The following ACP6 variants were observed in gnomAD, a reference collection of about 807,000 sequenced individuals.
ACP6 encodes the protein acid phosphatase 6, lysophosphatidic.
In ACP6, 48 loss-of-function variants were observed where a neutral mutation model predicts 48.1. The observed-to-expected ratio is 1.00, with a 90% CI of 0.79 to 1.27. The LOEUF (loss-of-function observed/expected upper bound fraction) is 1.27, where lower values mean the gene tolerates loss of function less well. ACP6 is among the 50% of genes most tolerant of loss of function. ACP6 has a pLI of 0.00. For synonymous variants in ACP6, 172 were observed against 204.2 expected (o/e 0.84, Z 1.34); for missense variants, 485 against 529.1 (o/e 0.92, Z 0.82).
chr1:147,649,264 C>T lies in ACP6; in HGVS notation c.978-853G>A, dbSNP rs144300902. Among the ~76,000 whole-genome samples the T allele has an allele frequency of 5.4e-3, 821 of 152,286 alleles. 14 individuals are homozygous for T. The highest frequency in any genetic ancestry group is 7.1e-3 in the Non-Finnish European group (480 of 68,022). ...ATCACCTGGGGATCTTGTTAAACTG[C>T]AGATGCTGATTTAGTAGATCAGGCT... is the stretch of plus-strand genomic sequence containing the variant. On this transcript the variant is annotated intron_variant, in intron 8 of 9. Coordinates refer to ENST00000583509, the MANE Select transcript of ACP6 (RefSeq NM_016361.5).
At chr1:147,647,664 T>C in intron 9 of ACP6, 98 bp from the exon 10 acceptor site, 1 of 1,454,794 alleles carries the variant, frequency 6.9e-7, no homozygotes, top group Non-Finnish European at 9.1e-7. Context: ...ATCCATGTGG[T>C]ATACATGTGC....
chr1:147,637,052 C>T (rs1553208097), intron 5 of ACP6, among the ~76,000 whole-genome samples: 1 of 152,216 alleles, frequency 6.6e-6, no homozygotes, highest in Non-Finnish European at 1.5e-5. Context: ...AATAAGGTTA[C>T]ACTGGGGTCA....
chr1:147,670,179 C>T lies in ACP6; in HGVS notation c.-131G>A. On this transcript the variant is annotated 5_prime_UTR_variant, in exon 1 of 10. Coordinates refer to ENST00000583509, the MANE Select transcript of ACP6 (RefSeq NM_016361.5). ...CGGATGCGTACATCCAGCCCTTCAG[C>T]AAGCAGGGACCGCTGTGCCTCCCGG... The T allele has an allele frequency of 1.2e-6, 1 of 811,516 alleles. No homozygotes were observed. The highest frequency in any genetic ancestry group is 1.9e-6 in the Non-Finnish European group (1 of 535,188). 50.3% of individuals were successfully genotyped at this position (811,516 alleles called of 1,614,324 possible). A position where few individuals can be genotyped will look rare whatever the true frequency, so the allele number is the denominator to read the frequency against.
At chr1:147,654,433 C>A in intron 5 of ACP6, 107 bp from the exon 6 acceptor site, 1 of 1,284,554 alleles carries the variant, frequency 7.8e-7, no homozygotes. Context: ...ATCCCCACAA[C>A]CCAATGGGGT....
chr1:147,652,704 T>C, intron 6 of ACP6, 155 bp from the exon 7 acceptor site: 1 of 1,526,604 alleles, frequency 6.6e-7, no homozygotes, highest in Admixed American at 1.7e-5. Context: ...GTCAAGAAGC[T>C]ATGTCTCTAA....
At chr1:147,652,831 T>A (rs903698564) in intron 6 of ACP6, among the ~76,000 whole-genome samples, 1 of 178 alleles carries the variant, frequency 5.6e-3, no homozygotes, top group South Asian at 0.062. Flanking sequence ...TTTTGTTGTT[T>A]TTTTGGTTTT....
At chr1:147,665,489 C>T (rs1660750557) in intron 1 of ACP6, among the ~76,000 whole-genome samples, 1 of 152,168 alleles carries the variant, frequency 6.6e-6, no homozygotes, top group East Asian at 1.9e-4. Flanking sequence ...AAAACTAAGA[C>T]CAAGACAGAA....
intron 6 of ACP6, 78 bp from the exon 7 acceptor site, chr1:147,652,627 C>A (rs781956028): frequency 4.0e-5 from 65 of 1,608,932 alleles, no homozygotes; most frequent in Middle Eastern, 3.3e-4. Flanking sequence ...TTCCATGGAA[C>A]CTGCAGGAGC....
rs1474091316 is a variant in ACP6, at chr1:147,646,048, T to G, written c.*1375A>C. ...GGTTGGGTGTTGGGGGATGTGGAAG[T>G]TTTCTTCTGATCTCTTTTAGATTCT... On this transcript the variant is annotated 3_prime_UTR_variant, in exon 10 of 10. Coordinates refer to ENST00000583509, the MANE Select transcript of ACP6 (RefSeq NM_016361.5). The G allele has an allele frequency of 1.3e-5, 2 of 152,094 alleles. No individual in the cohort carries two copies. The highest frequency in any genetic ancestry group is 4.8e-5 in the African/African-American group (2 of 41,404). The allele number at this position is 152,094 out of a possible 1,614,324, so 9.4% of individuals were successfully genotyped here.
chr1:147,632,169 C>T (rs1659184284), intron 5 of ACP6, among the ~76,000 whole-genome samples: 1 of 149,328 alleles, frequency 6.7e-6, no homozygotes, highest in African/African-American at 2.5e-5. Context: ...TCTCTGAGTA[C>T]CCTGTCAAAT....
In ACP6 at chr1:147,646,351, G is replaced by C. The variant is rs587603057; in HGVS notation, c.*1072C>G. ...GTTTGATTCTAACATGGAAAGTTTTGTGCCAGTGAAATCCAAGTGGATAAA... is the reference window on the plus strand; with the variant it reads ...GTTTGATTCTAACATGGAAAGTTTTCTGCCAGTGAAATCCAAGTGGATAAA... On this transcript the variant is annotated 3_prime_UTR_variant, in exon 10 of 10. Transcript: ENST00000583509. 1 of 152,246 alleles carries C rather than the reference G, an allele frequency of 6.6e-6. No individual in the cohort carries two copies. Among genetic ancestry groups the C allele is most frequent in the Admixed American group, 6.5e-5 (1 of 15,298 alleles). 9.4% of individuals were successfully genotyped at this position (152,246 alleles called of 1,614,324 possible). A position where few individuals can be genotyped will look rare whatever the true frequency, so the allele number is the denominator to read the frequency against.
Position 147,643,627 on chromosome 1 carries a change from G to A in ACP6, c.*3796C>T, listed in dbSNP as rs929845272. The A allele has an allele frequency of 1.3e-5, 2 of 152,164 alleles. No homozygotes were observed. Among genetic ancestry groups the A allele is most frequent in the Non-Finnish European group, 2.9e-5 (2 of 68,030 alleles). The allele number at this position is 152,164 out of a possible 1,614,324, so 9.4% of individuals were successfully genotyped here. A position where few individuals can be genotyped will look rare whatever the true frequency, so the allele number is the denominator to read the frequency against. ...CTACTTGGCATACTCCATCTTCAAC[G>A]ATAGTAAGAATGGGATGGGATGATG... On this transcript the variant is annotated 3_prime_UTR_variant, in exon 10 of 10. Transcript: ENST00000583509.
intron 4 of ACP6, among the ~76,000 whole-genome samples, chr1:147,657,281 C>G (rs1285424931): frequency 6.6e-6 from 1 of 152,138 alleles, no homozygotes; most frequent in Non-Finnish European, 1.5e-5. Flanking sequence ...AGTGGGCAGA[C>G]CAACAATCTC....
chr1:147,669,824 T>A lies in ACP6; in HGVS notation c.219+6A>T. On this transcript the variant is annotated splice_donor_region_variant and intron_variant, in intron 1 of 9. Transcript: ENST00000583509. ...CCACCAGCCCCAGCCCGGGCCGACC[T>A]CTCACCTGCTCCTCCAGCGGGAGCG... 6.4e-7 allele frequency: 1 copy of A among 1,573,150 alleles called. No individual in the cohort carries two copies.
chr1:147,658,708 C>T (rs587735777), intron 4 of ACP6, among the ~76,000 whole-genome samples: 10 of 152,030 alleles, frequency 6.6e-5, no homozygotes, highest in Non-Finnish European at 1.5e-4. Flanking sequence ...TGTGTAGAAG[C>T]TTGAGGGGAG....
At chr1:147,633,182 A>G (rs1659214222) in intron 5 of ACP6, among the ~76,000 whole-genome samples, 1 of 152,180 alleles carries the variant, frequency 6.6e-6, no homozygotes, top group African/African-American at 2.4e-5. Context: ...ATTCATCCCA[A>G]TTCTGACTGT....
rs587646500 is a variant in ACP6, at chr1:147,669,579, C to A, written c.219+251G>T. 5.9e-5 allele frequency among the ~76,000 whole-genome samples: 9 copies of A among 152,376 alleles called. No homozygotes were observed. In the East Asian group the frequency reaches 1.7e-3, roughly 29 times the overall value. On this transcript the variant is annotated intron_variant, in intron 1 of 9. Transcript: ENST00000583509. ...GCAGGATCCCCAGGCGACTCCCATG[C>A]GTCTTAAGCAGCGCTTACTGATGGC...
rs782262771 is a variant in ACP6, at chr1:147,659,046, A to G, written c.480-7T>C. Reference sequence around the variant, plus strand: ...AATGTTAGTGGAACGAATACTGAAAAAAATGAGAAAATAGTGACACTCATA... The same window carrying G: ...AATGTTAGTGGAACGAATACTGAAAGAAATGAGAAAATAGTGACACTCATA... On this transcript the variant is annotated splice_region_variant and splice_polypyrimidine_tract_variant and intron_variant, in intron 3 of 9. Coordinates refer to ENST00000583509, the MANE Select transcript of ACP6 (RefSeq NM_016361.5). The G allele has an allele frequency of 3.6e-5, 58 of 1,604,376 alleles. No individual in the cohort carries two copies. The highest frequency in any genetic ancestry group is 4.8e-5 in the Non-Finnish European group (56 of 1,175,340).
rs1013731482 is a variant in ACP6, at chr1:147,654,312, G to A, written c.662C>T (p.Thr221Ile). The change falls in exon 6 of 10, where the codon ACT (threonine) becomes ATT (isoleucine). Residue 221 changes from threonine (T) to isoleucine (I), a missense_variant. Coordinates refer to ENST00000583509, the MANE Select transcript of ACP6 (RefSeq NM_016361.5). ...LRQRTRGRRQTASLQPGISED... is the reference protein window; with the variant it reads ...LRQRTRGRRQIASLQPGISED... ...TGAGATTCCTGGCTGTAAAGAGGCAGTCTGCCTCCGGCCTCTGACAAAAAA... is the reference window on the plus strand; with the variant it reads ...TGAGATTCCTGGCTGTAAAGAGGCAATCTGCCTCCGGCCTCTGACAAAAAA... 6 of 1,614,052 alleles carry A rather than the reference G, an allele frequency of 3.7e-6. No individual in the cohort carries two copies. The highest frequency in any genetic ancestry group is 5.1e-6 in the Non-Finnish European group (6 of 1,180,038).
Sources: gnomAD v4.1 joint callset for allele counts (sites outside exome capture counted in the v4.1 genomes callset) on GRCh38, gnomAD v4.1.1 for gene constraint, MANE v1.5 for transcripts, NCBI Gene and HGNC (gene_info 2026-07-23, HGNC 2026-07-21) for gene names.